The following RGS6 variants were observed in gnomAD, a reference collection of about 807,000 sequenced individuals.
RGS6 encodes the protein regulator of G protein signaling 6, also known as regulator of G-protein signaling 6.
A neutral mutation model predicts 78.5 loss-of-function variants in RGS6; 30 were observed. The ratio of observed to expected loss-of-function variants is 0.38; its 90% CI spans 0.29 to 0.52. The LOEUF is 0.52. RGS6 is among the 20% of genes least tolerant of loss of function. The pLI, the probability that RGS6 is intolerant of heterozygous loss-of-function variation, is 0.85. For missense variants in RGS6, 495 were observed against 609.7 expected (o/e 0.81, Z 1.98); for synonymous variants, 206 against 206.0 (o/e 1.00, Z 0.00).
chr14:72,085,002 C>T (rs147621686), intron 2 of RGS6, among the ~76,000 whole-genome samples: 25 of 152,162 alleles, frequency 1.6e-4, no homozygotes, highest in African/African-American at 3.6e-4. Context: ...AAATCTGCTA[C>T]GTAAGAAGAC....
At chr14:72,520,637 G>A (rs2097024569) in intron 15 of RGS6, among the ~76,000 whole-genome samples, 2 of 152,166 alleles carry the variant, frequency 1.3e-5, no homozygotes, top group African/African-American at 4.8e-5. Context: ...ATTCACATAA[G>A]AAAAGCAGGA....
intron 2 of RGS6, among the ~76,000 whole-genome samples, chr14:72,177,965 C>T (rs947460633): frequency 6.6e-6 from 1 of 152,190 alleles, no homozygotes; most frequent in African/African-American, 2.4e-5. Context: ...AGTGGCTGAG[C>T]CTCTTTTCTT....
At chr14:72,286,442 T>C (rs2062567262) in intron 2 of RGS6, among the ~76,000 whole-genome samples, 1 of 152,188 alleles carries the variant, frequency 6.6e-6, no homozygotes, top group African/African-American at 2.4e-5. Context: ...TCAGGAAGTG[T>C]GATGCATCCA....
intron 1 of RGS6, among the ~76,000 whole-genome samples, chr14:71,941,912 T>C (rs890255274): frequency 6.6e-6 from 1 of 152,212 alleles, no homozygotes; most frequent in African/African-American, 2.4e-5. Context: ...CCTGTTTGAC[T>C]TTTCACAGGC....
Position 72,262,161 on chromosome 14 carries a change from T to C in RGS6, c.85-89934T>C, listed in dbSNP as rs189131004. Among the ~76,000 whole-genome samples, 467 of 152,292 alleles carry C rather than the reference T, an allele frequency of 3.1e-3. 1 individual carries two copies. The highest frequency in any genetic ancestry group is 0.011 in the African/African-American group (451 of 41,560). On this transcript the variant is annotated intron_variant, in intron 2 of 17. Transcript: ENST00000553525. ...GTTCCTTTTGGAGAGCGGTGGAGAA[T>C]ACAGGATTGAAGGTGACCCTCACAG...
intron 15 of RGS6, among the ~76,000 whole-genome samples, chr14:72,521,278 C>T (rs2097034547): frequency 6.6e-6 from 1 of 152,182 alleles, no homozygotes; most frequent in Non-Finnish European, 1.5e-5. Context: ...AGTCTCTAAA[C>T]CACAATGCTA....
At chr14:71,909,634 A>C in the RGS6 span, among the ~76,000 whole-genome samples, 1 of 151,594 alleles carries the variant, frequency 6.6e-6, no homozygotes, top group African/African-American at 2.4e-5. Flanking sequence ...GGAAAGAGAG[A>C]GAGAGATTAA....
intron 12 of RGS6, among the ~76,000 whole-genome samples, chr14:72,494,823 C>T (rs186847488): frequency 1.3e-5 from 2 of 152,148 alleles, no homozygotes; most frequent in African/African-American, 2.4e-5. Context: ...GGGTGGAACA[C>T]AAACAGTTTT....
At chr14:72,352,222 AAC>A in intron 3 of RGS6, 28 bp downstream of exon 3, 1 of 1,526,906 alleles carries the variant, frequency 6.5e-7, no homozygotes, top group Non-Finnish European at 9.1e-7. Context: ...AGGTGTTGGT[AAC>A]AGTCAGAACT....
intron 2 of RGS6, among the ~76,000 whole-genome samples, chr14:72,055,668 G>T (rs562310400): frequency 6.6e-6 from 1 of 152,094 alleles, no homozygotes; most frequent in South Asian, 2.1e-4. Flanking sequence ...TTAAATAAAA[G>T]CTTCCCAGGT....
chr14:72,315,723 A>G (rs1392215835), intron 2 of RGS6, among the ~76,000 whole-genome samples: 2 of 152,196 alleles, frequency 1.3e-5, no homozygotes, highest in Non-Finnish European at 2.9e-5. Context: ...CCAGCCCTGT[A>G]GGGTTCCTAG....
At chr14:72,153,849 G>A (rs1301529775) in intron 2 of RGS6, among the ~76,000 whole-genome samples, 1 of 152,170 alleles carries the variant, frequency 6.6e-6, no homozygotes, top group Non-Finnish European at 1.5e-5. Context: ...ATGTTCAGTG[G>A]TGCACGTATT....
At chr14:72,141,124 G>A (rs1442308713) in intron 2 of RGS6, among the ~76,000 whole-genome samples, 1 of 152,172 alleles carries the variant, frequency 6.6e-6, no homozygotes, top group Non-Finnish European at 1.5e-5. Context: ...CCAGAGACTT[G>A]GTTATATTCT....
intron 12 of RGS6, among the ~76,000 whole-genome samples, chr14:72,492,001 T>TCAGACACATCAGATCTCAGAA: frequency 6.6e-6 from 1 of 152,122 alleles, no homozygotes; most frequent in South Asian, 2.1e-4. Flanking sequence ...TACGCTCAGA[T>TCAGACACATCAGATCTCAGAA]CTCAGACACA....
At chr14:72,232,478 C>A (rs1453060051) in intron 2 of RGS6, among the ~76,000 whole-genome samples, 1 of 135,850 alleles carries the variant, frequency 7.4e-6, no homozygotes, top group Non-Finnish European at 1.5e-5. Context: ...TTCCTTCCCA[C>A]CTCAGATCTT....
intron 3 of RGS6, among the ~76,000 whole-genome samples, chr14:72,402,313 G>A (rs529728779): frequency 6.6e-6 from 1 of 152,350 alleles, no homozygotes; most frequent in Non-Finnish European, 1.5e-5. Flanking sequence ...AAGGGGTTGA[G>A]TGGCTATGGT....
intron 2 of RGS6, among the ~76,000 whole-genome samples, chr14:72,036,847 G>A (rs1244711751): frequency 6.6e-6 from 1 of 151,938 alleles, no homozygotes; most frequent in Non-Finnish European, 1.5e-5. Flanking sequence ...TATTTTTTCT[G>A]TTATAGATCA....
At chr14:72,518,306 A>G (rs1740667971) in intron 14 of RGS6, 45 bp from the exon 15 acceptor site, 3 of 1,580,190 alleles carry the variant, frequency 1.9e-6, no homozygotes, top group Non-Finnish European at 8.6e-7. Context: ...CAACATCCCG[A>G]TGCTGAGCCC....
chr14:72,440,231 G>A (rs907286003), intron 3 of RGS6, among the ~76,000 whole-genome samples: 3 of 152,120 alleles, frequency 2.0e-5, no homozygotes, highest in Non-Finnish European at 4.4e-5. Context: ...GAGAGAAAAT[G>A]TATTTGACAT....
Sources: allele counts gnomAD v4.1 joint callset (sites outside exome capture counted in the v4.1 genomes callset), GRCh38; gene constraint gnomAD v4.1.1; transcripts MANE v1.5; gene names NCBI Gene and HGNC (gene_info 2026-07-23, HGNC 2026-07-21).